DACH1: variants seen among roughly 807,000 people sequenced by gnomAD.
DACH1 encodes dachshund homolog 1.
In DACH1, 12 loss-of-function variants were observed where a neutral mutation model predicts 54.2. The ratio of observed to expected loss-of-function variants is 0.22; its 90% CI spans 0.14 to 0.36. The LOEUF is 0.36. DACH1 is among the 10% of genes least tolerant of loss of function. The pLI, the probability that DACH1 is intolerant of heterozygous loss-of-function variation, is 1.00. For synonymous variants in DACH1, 386 were observed against 366.2 expected (o/e 1.05, Z -0.62); for missense variants, 805 against 929.8 (o/e 0.87, Z 1.75).
chr13:71,471,219 G>A (rs141778527), intron 10 of DACH1, among the ~76,000 whole-genome samples: 1,664 of 152,058 alleles, frequency 0.011, 15 homozygotes, highest in Middle Eastern at 0.037. Context: ...GAAATGTCAC[G>A]CTCCACTCTG....
At chr13:71,853,364 C>G (rs968351155) in intron 1 of DACH1, among the ~76,000 whole-genome samples, 3 of 152,280 alleles carry the variant, frequency 2.0e-5, no homozygotes, top group Admixed American at 1.3e-4. Flanking sequence ...TGTTATTTAA[C>G]CAGTCAATGA....
chr13:71,692,506 C>CTTTTTTTTTTTTTTT (rs398023338), intron 1 of DACH1, among the ~76,000 whole-genome samples: 5 of 44,438 alleles, frequency 1.1e-4, no homozygotes, highest in East Asian at 1.2e-3. Context: ...CTTTTCTTTC[C>CTTTTTTTTTTTTTTT]TTTTTTTTTT....
intron 10 of DACH1, among the ~76,000 whole-genome samples, chr13:71,441,643 A>G (rs1249917669): frequency 6.6e-6 from 1 of 152,064 alleles, no homozygotes; most frequent in African/African-American, 2.4e-5. Context: ...AACTGGAAGA[A>G]TTAAAATATA....
chr13:71,682,511 T>C (rs1880961441), intron 1 of DACH1, among the ~76,000 whole-genome samples: 1 of 152,198 alleles, frequency 6.6e-6, no homozygotes, highest in Non-Finnish European at 1.5e-5. Flanking sequence ...TGACAATACA[T>C]ATCTAATGTG....
rs185330249 is a variant in DACH1 at position 71,775,337 on chromosome 13, A to C, written c.848+90585T>G. 1.9e-4 allele frequency among the ~76,000 whole-genome samples: 29 copies of C among 151,728 alleles called. No homozygotes were observed. The East Asian group carries it at 5.2e-3, about 27-fold the overall frequency. ...ATTGCCACCTCAAATTGACAAACTGAAGAAGACAGACAGATAACAGTTATT... is the reference window on the plus strand; with the variant it reads ...ATTGCCACCTCAAATTGACAAACTGCAGAAGACAGACAGATAACAGTTATT... On this transcript the variant is annotated intron_variant, in intron 1 of 10. Coordinates refer to ENST00000613252, the MANE Select transcript of DACH1 (RefSeq NM_080759.6).
intron 10 of DACH1, among the ~76,000 whole-genome samples, chr13:71,468,855 A>G (rs985028): frequency 0.92 from 139,852 of 152,238 alleles, 65,327 homozygotes; most frequent in Non-Finnish European, 1. Flanking sequence ...CAGTGTGTCT[A>G]GAAGTGTCTA....
At chr13:71,584,338 T>C (rs1365629535) in intron 3 of DACH1, among the ~76,000 whole-genome samples, 3 of 152,242 alleles carry the variant, frequency 2.0e-5, no homozygotes, top group Non-Finnish European at 4.4e-5. Context: ...GTGAGCTTCC[T>C]ATGAAGAGTT....
At chr13:71,839,607 AAAAT>A (rs1160951597) in intron 1 of DACH1, among the ~76,000 whole-genome samples, 1 of 152,142 alleles carries the variant, frequency 6.6e-6, no homozygotes, top group Non-Finnish European at 1.5e-5. Flanking sequence ...ACTCCGTCTC[AAAAT>A]AAATAAATAA....
chr13:71,451,791 C>T (rs964242994), intron 10 of DACH1, among the ~76,000 whole-genome samples: 45 of 152,038 alleles, frequency 3.0e-4, no homozygotes, highest in African/African-American at 1.1e-3. Context: ...ATTATTGGGT[C>T]AAATGACAAA....
intron 1 of DACH1, among the ~76,000 whole-genome samples, chr13:71,797,617 AG>A (rs2138113488): frequency 6.6e-6 from 1 of 152,218 alleles, no homozygotes; most frequent in African/African-American, 2.4e-5. Flanking sequence ...AGGAACACAG[AG>A]GGGTAGTTGG....
chr13:71,455,327 A>G (rs1020604586), intron 10 of DACH1, among the ~76,000 whole-genome samples: 9 of 152,194 alleles, frequency 5.9e-5, no homozygotes, highest in Middle Eastern at 3.4e-3. Flanking sequence ...ATCTCTCCAT[A>G]TATGGAGTCT....
chr13:71,777,268 G>C (rs1261860900), intron 1 of DACH1, among the ~76,000 whole-genome samples: 1 of 152,010 alleles, frequency 6.6e-6, no homozygotes, highest in Non-Finnish European at 1.5e-5. Flanking sequence ...GCCTTAAAGA[G>C]ACAGGAACTT....
chr13:71,784,123 C>T lies in DACH1; in HGVS notation c.848+81799G>A, dbSNP rs1351013386. ...TTTAAAGGTGATGTATACTTTAGCA[C>T]AACAGTTGGATTTGTAATGGTACCA... On this transcript the variant is annotated intron_variant, in intron 1 of 10. Coordinates refer to ENST00000613252, the MANE Select transcript of DACH1 (RefSeq NM_080759.6). 2.6e-5 allele frequency among the ~76,000 whole-genome samples: 4 copies of T among 152,058 alleles called. No individual in the cohort carries two copies. In the East Asian group the frequency reaches 5.8e-4, roughly 22 times the overall value.
rs146447965 is a variant in DACH1, at chr13:71,790,568, T to C, written c.848+75354A>G. Among the ~76,000 whole-genome samples, 3 of 152,210 alleles carry C rather than the reference T, an allele frequency of 2.0e-5. No homozygotes were observed. The East Asian group carries it at 5.8e-4, about 29-fold the overall frequency. On this transcript the variant is annotated intron_variant, in intron 1 of 10. Coordinates refer to ENST00000613252, the MANE Select transcript of DACH1 (RefSeq NM_080759.6). The stretch of plus-strand genomic sequence containing the variant: ...TCTAAAATTATGTGATATACAAAGA[T>C]AAAAGCAAAAATCTAGAGTTAAATA...
Position 71,866,197 on chromosome 13 carries a change from C to T in DACH1, c.573G>A (p.Val191=). ...NTPQNNECKM[V]DLRGAKVASF... is the part of the protein sequence containing the mutation. ...AAGCCACTTTGGCCCCCCTCAGATC[C>T]ACCATTTTGCACTCATTATTCTGAG... The change falls in exon 1 of 11, where the codon GTG becomes GTA. Residue 191 remains valine (V), a synonymous_variant. Coordinates refer to ENST00000613252, the MANE Select transcript of DACH1 (RefSeq NM_080759.6). 2 of 1,612,888 alleles carry T rather than the reference C, an allele frequency of 1.2e-6. No individual in the cohort carries two copies. The highest frequency in any genetic ancestry group is 3.3e-5 in the Admixed American group (2 of 59,892).
At chr13:71,481,691 G>T (rs1593762314) in intron 7 of DACH1, among the ~76,000 whole-genome samples, 3 of 152,258 alleles carry the variant, frequency 2.0e-5, no homozygotes, top group African/African-American at 7.2e-5. Context: ...CCAAACTGAT[G>T]CATATGCAAA....
intron 6 of DACH1, among the ~76,000 whole-genome samples, chr13:71,505,123 G>A (rs117693980): frequency 3.3e-5 from 5 of 151,686 alleles, no homozygotes; most frequent in South Asian, 2.1e-4. Context: ...TTACTCTGTC[G>A]CCAGGCTGGA....
At chr13:71,614,875 C>T (rs747285770) in intron 3 of DACH1, among the ~76,000 whole-genome samples, 8 of 134,932 alleles carry the variant, frequency 5.9e-5, no homozygotes, top group Non-Finnish European at 1.1e-4. Flanking sequence ...AAAAAAAAAG[C>T]CACAAATGTA....
intron 1 of DACH1, among the ~76,000 whole-genome samples, chr13:71,813,936 G>A (rs556819321): frequency 8.5e-5 from 13 of 152,148 alleles, no homozygotes; most frequent in Middle Eastern, 3.2e-3. Flanking sequence ...GGCTTAAATG[G>A]TGACGTTAAG....
Sources: allele counts gnomAD v4.1 joint callset (sites outside exome capture counted in the v4.1 genomes callset), GRCh38; gene constraint gnomAD v4.1.1; transcripts MANE v1.5; gene names NCBI Gene and HGNC (gene_info 2026-07-23, HGNC 2026-07-21).